Variants in HELZ observed in about 807,000 individuals in gnomAD.
HELZ encodes the protein ATP-dependent RNA helicase with zinc finger domain.
Under a neutral mutation model 218.2 loss-of-function variants are expected in HELZ, and 23 were observed. That is an observed-to-expected ratio of 0.11 (90% CI 0.08 to 0.15). The LOEUF (loss-of-function observed/expected upper bound fraction) is 0.15. HELZ is among the 10% of genes least tolerant of loss of function. HELZ has a pLI of 1.00. For missense variants in HELZ, 1,813 were observed against 2,353.7 expected, an observed-to-expected ratio of 0.77 and a Z score of 4.75; for synonymous variants, 814 against 829.4, an observed-to-expected ratio of 0.98 and a Z score of 0.32.
intron 5 of HELZ, among the ~76,000 whole-genome samples, chr17:67,207,211 C>A (rs1378381649): frequency 1.2e-4 from 9 of 75,552 alleles, no homozygotes; most frequent in African/African-American, 5.1e-4. Context: ...CACGCCCGGC[C>A]TTTTTTTTTT....
chr17:67,078,067 A>T lies in HELZ; in HGVS notation c.*185T>A. 2.0e-6 allele frequency: 1 copy of T among 512,314 alleles called. No homozygotes were observed. The highest frequency in any genetic ancestry group is 2.9e-5 in the South Asian group (1 of 34,346). 31.7% of individuals were successfully genotyped at this position (512,314 alleles called of 1,614,324 possible). A position where few individuals can be genotyped will look rare whatever the true frequency, so the allele number is the denominator to read the frequency against. On this transcript the variant is annotated 3_prime_UTR_variant, in exon 33 of 33. Coordinates refer to ENST00000358691, the MANE Select transcript of HELZ (RefSeq NM_014877.4). ...CTGTCAAAGTTTTGACACATCAAAA[A>T]TGCAAAATAATGGAATATACTTTAA...
intron 23 of HELZ, among the ~76,000 whole-genome samples, chr17:67,133,922 T>C (rs947101316): frequency 6.6e-6 from 1 of 152,154 alleles, no homozygotes; most frequent in African/African-American, 2.4e-5. Context: ...GTCTCACTTA[T>C]CAAATAATAA....
intron 2 of HELZ, among the ~76,000 whole-genome samples, chr17:67,242,614 T>G (rs2041356315): frequency 6.6e-6 from 1 of 150,554 alleles, no homozygotes; most frequent in African/African-American, 2.4e-5. Context: ...AATTGGGAGG[T>G]CTAAGGCAGG....
At chr17:67,089,782 A>G (rs1347605883) in intron 31 of HELZ, among the ~76,000 whole-genome samples, 1 of 150,126 alleles carries the variant, frequency 6.7e-6, no homozygotes, top group Non-Finnish European at 1.5e-5. Context: ...ACCTTGCTAA[A>G]TTCACATTAG....
chr17:67,096,611 T>C (rs1334143071), intron 31 of HELZ, among the ~76,000 whole-genome samples: 1 of 152,260 alleles, frequency 6.6e-6, no homozygotes, highest in African/African-American at 2.4e-5. Context: ...CTTCTTTCCT[T>C]AAACCTCATG....
At chr17:67,102,547 TA>T (rs1333094875) in intron 31 of HELZ, among the ~76,000 whole-genome samples, 2 of 152,216 alleles carry the variant, frequency 1.3e-5, no homozygotes, top group African/African-American at 4.8e-5. Flanking sequence ...TTTCTGGGAA[TA>T]AAAGGATCCA....
At chr17:67,208,195 T>C (rs948513009) in intron 5 of HELZ, among the ~76,000 whole-genome samples, 1 of 151,988 alleles carries the variant, frequency 6.6e-6, no homozygotes, top group Admixed American at 6.6e-5. Context: ...TGAGTGTGAC[T>C]CTAAAGGAAT....
chr17:67,183,229 T>G (rs1218511642), intron 12 of HELZ, among the ~76,000 whole-genome samples: 1 of 152,182 alleles, frequency 6.6e-6, no homozygotes, highest in Non-Finnish European at 1.5e-5. Context: ...ATATCCTTTC[T>G]TTCACCCAAA....
At chr17:67,179,103 C>A (rs1567867770) in intron 12 of HELZ, among the ~76,000 whole-genome samples, 177 bp from the exon 13 acceptor site, 1 of 150,976 alleles carries the variant, frequency 6.6e-6, no homozygotes, top group Non-Finnish European at 1.5e-5. Flanking sequence ...TATCAAAAAA[C>A]AAAACAAAAC....
chr17:67,148,170 T>G (rs1220074251), intron 20 of HELZ, among the ~76,000 whole-genome samples: 1 of 152,134 alleles, frequency 6.6e-6, no homozygotes, highest in Non-Finnish European at 1.5e-5. Context: ...TTCTAAGCCC[T>G]CAACCTGTGG....
Position 67,181,776 on chromosome 17 carries a change from GATGTCAAAAATGAACTA to G in HELZ, c.1163-2867_1163-2851del, listed in dbSNP as rs1439158500. ...ACTACTGATCTAAGTCTTTAACTCGGATGTCAAAAATGAACTATGGCCAGTGACTACTACTAAGGATA... is the reference window on the plus strand; with the variant it reads ...ACTACTGATCTAAGTCTTTAACTCGGTGGCCAGTGACTACTACTAAGGATA... On this transcript the variant is annotated intron_variant, in intron 12 of 32. Transcript: ENST00000358691. Among the ~76,000 whole-genome samples, 11 of 152,056 alleles carry G rather than the reference GATGTCAAAAATGAACTA, an allele frequency of 7.2e-5. No homozygotes were observed. In the East Asian group the frequency reaches 2.1e-3, roughly 29 times the overall value.
chr17:67,123,485 T>C (rs145045992), intron 25 of HELZ, among the ~76,000 whole-genome samples: 1,670 of 152,278 alleles, frequency 0.011, 20 homozygotes, highest in South Asian at 0.018. Context: ...TCTAAAAAAT[T>C]ATACAACTCT....
intron 27 of HELZ, among the ~76,000 whole-genome samples, chr17:67,117,402 G>A (rs2037459740): frequency 6.6e-6 from 1 of 152,088 alleles, no homozygotes. Context: ...AGAGAAATTA[G>A]GAAGCATACT....
At chr17:67,209,782 T>G (rs1282654545) in intron 5 of HELZ, among the ~76,000 whole-genome samples, 1 of 152,222 alleles carries the variant, frequency 6.6e-6, no homozygotes, top group Non-Finnish European at 1.5e-5. Flanking sequence ...TCTGTAAAAC[T>G]GCAATGATAA....
At chr17:67,100,971 G>A (rs1442356655) in intron 31 of HELZ, among the ~76,000 whole-genome samples, 5 of 151,916 alleles carry the variant, frequency 3.3e-5, no homozygotes, top group East Asian at 3.9e-4. Flanking sequence ...TTAGCTGGGC[G>A]CAGTGGTGGG....
At chr17:67,140,650 G>A (rs2038294574) in intron 21 of HELZ, among the ~76,000 whole-genome samples, 1 of 152,072 alleles carries the variant, frequency 6.6e-6, no homozygotes, top group African/African-American at 2.4e-5. Flanking sequence ...AAGATGGAAA[G>A]GAGCAGAAAA....
chr17:67,167,890 C>G (rs1281048556), intron 13 of HELZ, 94 bp from the exon 14 acceptor site: 1 of 841,024 alleles, frequency 1.2e-6, no homozygotes, highest in Non-Finnish European at 1.9e-6. Flanking sequence ...TATAAACATA[C>G]CAAAAATTAA....
chr17:67,215,349 CT>C (rs773776900), intron 5 of HELZ, among the ~76,000 whole-genome samples: 10,466 of 136,476 alleles, frequency 0.077, 608 homozygotes, highest in African/African-American at 0.18. Flanking sequence ...GCTATTCAAA[CT>C]TTTTTTTTTT....
chr17:67,116,626 C>T (rs759108893), intron 27 of HELZ, among the ~76,000 whole-genome samples: 12 of 152,082 alleles, frequency 7.9e-5, no homozygotes, highest in South Asian at 2.1e-4. Context: ...TAACGATAAA[C>T]GAGTTAATTA....
Sources: gnomAD v4.1 joint callset for allele counts (sites outside exome capture counted in the v4.1 genomes callset) on GRCh38, gnomAD v4.1.1 for gene constraint, MANE v1.5 for transcripts, NCBI Gene and HGNC (gene_info 2026-07-23, HGNC 2026-07-21) for gene names.